CAPRIN2: variants seen among roughly 807,000 people sequenced by gnomAD.
The protein encoded by CAPRIN2 is caprin family member 2, also known as caprin-2.
In CAPRIN2, 66 loss-of-function variants were observed where a neutral mutation model predicts 130.4. The observed-to-expected ratio is 0.51, with a 90% CI of 0.42 to 0.62. CAPRIN2 has a LOEUF of 0.62. Ranked by LOEUF, CAPRIN2 falls within the 20% of genes least tolerant of loss-of-function variation. The pLI is 0.00. For missense variants in CAPRIN2, 1,185 were observed against 1,246.6 expected, an observed-to-expected ratio of 0.95 and a Z score of 0.74; for synonymous variants, 471 against 444.1, an observed-to-expected ratio of 1.06 and a Z score of -0.76.
chr12:30,710,443 C>T lies in CAPRIN2; in HGVS notation c.2693G>A (p.Ser898Asn). ...GGTTTCGTTGTCTCTTTCTGGGCTG[C>T]TCACCTGAGAAGAATCACTCCACCC... Residue 898 changes from serine (S) to asparagine (N), a missense_variant, in exon 17 of 17, where the codon AGC becomes AAC. This residue lies in a region of CAPRIN2 where 1,104 missense variants were observed against 1,104.3 expected (regional missense o/e 1.00). Coordinates refer to ENST00000298892, the Ensembl canonical transcript of CAPRIN2. The surrounding 1 kb of genome is among the most constrained non-coding windows in gnomAD (Gnocchi z 4.8). 1 of 1,614,066 alleles carries T rather than the reference C, an allele frequency of 6.2e-7. No homozygotes were observed.
chr12:30,718,948 A>G (rs2058508984), intron 12 of CAPRIN2, 131 bp downstream of exon 14: 3 of 1,042,884 alleles, frequency 2.9e-6, no homozygotes, highest in Non-Finnish European at 2.8e-6. Context: ...TTGGCCAAAT[A>G]TAATTCTACC....
At chr12:30,717,827 G>A (rs750985128) in intron 12 of CAPRIN2, among the ~76,000 whole-genome samples, 1 of 152,090 alleles carries the variant, frequency 6.6e-6, no homozygotes, top group African/African-American at 2.4e-5. Flanking sequence ...CTAGCTCCCT[G>A]ATTCTGCTCC....
At chr12:30,744,356 G>C (rs2068883849) in intron 2 of CAPRIN2, among the ~76,000 whole-genome samples, 2 of 152,198 alleles carry the variant, frequency 1.3e-5, no homozygotes, top group Non-Finnish European at 2.9e-5. Context: ...AAACATATCT[G>C]TACCATTTCT....
chr12:30,747,154 G>A (rs1045583973), intron 2 of CAPRIN2, among the ~76,000 whole-genome samples: 2 of 152,128 alleles, frequency 1.3e-5, no homozygotes, highest in African/African-American at 4.8e-5. Flanking sequence ...CTGGATGATA[G>A]CACACCTTCT....
At chr12:30,731,319 G>T in intron 6 of CAPRIN2, 24 bp downstream of exon 7, 1 of 1,600,276 alleles carries the variant, frequency 6.2e-7, no homozygotes, top group South Asian at 1.1e-5. Context: ...ACCACTATAA[G>T]GATTTTCAGA....
At chr12:30,735,099 G>A (rs2064143721) in exon 4 of CAPRIN2, 2 of 1,614,104 alleles carry the variant, frequency 1.2e-6, no homozygotes, top group East Asian at 2.2e-5. Flanking sequence ...CCTGTGTCAA[G>A]TTCTGCAATA....
At chr12:30,753,404 G>T (rs1360547192) in exon 1 of CAPRIN2, 1 of 1,613,830 alleles carries the variant, frequency 6.2e-7, no homozygotes, top group East Asian at 2.2e-5. Flanking sequence ...TTTCAATATA[G>T]GTCTCATACG....
intron 10 of CAPRIN2, among the ~76,000 whole-genome samples, chr12:30,723,917 A>G (rs2060154553): frequency 6.6e-6 from 1 of 152,220 alleles, no homozygotes; most frequent in African/African-American, 2.4e-5. Context: ...ACAAATGTGG[A>G]GCAAAAAGCC....
rs201682196 is a variant in CAPRIN2, at chr12:30,742,197, T to C, written c.484-1091A>G. Among the ~76,000 whole-genome samples the C allele has an allele frequency of 3.3e-5, 5 of 152,216 alleles. No homozygotes were observed. In the East Asian group the frequency reaches 9.6e-4, roughly 29 times the overall value. On this transcript the variant is annotated intron_variant, in intron 2 of 16. Coordinates refer to ENST00000298892, the Ensembl canonical transcript of CAPRIN2. Reference sequence around the variant, plus strand: ...ACTCTACAAATTTACTATAAACAAATGTACGCTTAGAATGGGTTTACTTTG... The same window carrying C: ...ACTCTACAAATTTACTATAAACAAACGTACGCTTAGAATGGGTTTACTTTG...
chr12:30,719,499 C>T, intron 12 of CAPRIN2: 1 of 329,868 alleles, frequency 3.0e-6, no homozygotes, highest in Non-Finnish European at 5.5e-6. Flanking sequence ...GCACCTAGTC[C>T]TTTTCAAACC....
intron 2 of CAPRIN2, among the ~76,000 whole-genome samples, chr12:30,742,014 A>G (rs1000460487): frequency 6.6e-6 from 1 of 152,174 alleles, no homozygotes; most frequent in Non-Finnish European, 1.5e-5. Flanking sequence ...AACCTCAAAA[A>G]TATGCTAAGT....
chr12:30,753,522 T>C (rs1470345243), exon 1 of CAPRIN2: 1 of 1,614,166 alleles, frequency 6.2e-7, no homozygotes, highest in Admixed American at 1.7e-5. Flanking sequence ...TGACTTCATA[T>C]TCCCCTCTCT....
chr12:30,740,664 T>C (rs1207985827), intron 3 of CAPRIN2, among the ~76,000 whole-genome samples: 5 of 152,222 alleles, frequency 3.3e-5, no homozygotes, highest in African/African-American at 9.6e-5. Flanking sequence ...GCCTATCTTA[T>C]ATAAATTTAC....
At chr12:30,722,788 T>C (rs1200691901) in intron 11 of CAPRIN2, among the ~76,000 whole-genome samples, 2 of 151,980 alleles carry the variant, frequency 1.3e-5, no homozygotes, top group African/African-American at 4.8e-5. Context: ...TAATCCCAGC[T>C]ACTCGGGAGG....
At chr12:30,750,423 C>T (rs573775182) in intron 2 of CAPRIN2, among the ~76,000 whole-genome samples, 3 of 152,138 alleles carry the variant, frequency 2.0e-5, no homozygotes, top group Non-Finnish European at 2.9e-5. Flanking sequence ...GTTTTCTTTC[C>T]GCGCTGCAAA....
At chr12:30,737,484 T>C (rs989808182) in intron 3 of CAPRIN2, among the ~76,000 whole-genome samples, 4 of 152,160 alleles carry the variant, frequency 2.6e-5, no homozygotes, top group Non-Finnish European at 4.4e-5. Context: ...CAATTTCTCC[T>C]TCTTTAGATG....
intron 1 of CAPRIN2, 56 bp downstream of exon 2, chr12:30,753,288 T>C: frequency 7.0e-7 from 1 of 1,429,426 alleles, no homozygotes; most frequent in Non-Finnish European, 9.5e-7. Flanking sequence ...AAGAAAAATG[T>C]CAGCTCCTTA....
chr12:30,735,868 C>A (rs1246528077), intron 3 of CAPRIN2, among the ~76,000 whole-genome samples: 1 of 152,098 alleles, frequency 6.6e-6, no homozygotes, highest in Non-Finnish European at 1.5e-5. Flanking sequence ...AGGCCAGGCA[C>A]AATGATACAC....
At position 30,734,884 on chromosome 12, in the gene CAPRIN2, A is replaced by ACT. The variant is rs139657772; in HGVS notation, c.809+83_809+84insAG. 1,790 of 512,790 alleles carry ACT rather than the reference A, an allele frequency of 3.5e-3. 20 individuals carry two copies. In the African/African-American group the frequency reaches 0.041, roughly 12 times the overall value. 31.8% of individuals were successfully genotyped at this position (512,790 alleles called of 1,614,324 possible). A position where few individuals can be genotyped will look rare whatever the true frequency, so the allele number is the denominator to read the frequency against. Reference sequence around the variant, plus strand: ...CACACACACACACACACACACACACACACTCTCTCTCTCACATACACACAC... The same window carrying ACT: ...CACACACACACACACACACACACACACTCACTCTCTCTCTCACATACACACAC... On this transcript the variant is annotated intron_variant, in intron 4 of 16. Coordinates refer to ENST00000298892, the Ensembl canonical transcript of CAPRIN2.
Sources: gnomAD v4.1 joint callset for allele counts (sites outside exome capture counted in the v4.1 genomes callset) on GRCh38, gnomAD v4.1.1 for gene constraint, gnomAD v4.1.1 regional missense constraint, Gnocchi (gnomAD v3.1) non-coding constraint, MANE v1.5 for transcripts, NCBI Gene and HGNC (gene_info 2026-07-23, HGNC 2026-07-21) for gene names.